The following C1QTNF3 variants were observed in gnomAD, a reference collection of about 807,000 sequenced individuals.
The protein encoded by C1QTNF3 is complement C1q tumor necrosis factor-related protein 3.
Under a neutral mutation model 32.6 loss-of-function variants are expected in C1QTNF3, and 26 were observed. The ratio of observed to expected loss-of-function variants is 0.80; its 90% CI spans 0.58 to 1.11. C1QTNF3 has a LOEUF of 1.11. Ranked by LOEUF, C1QTNF3 falls within the 50% of genes least tolerant of loss-of-function variation. The probability of loss-of-function intolerance (pLI) is 0.00; values close to 1 mark genes in which losing one functional copy is unlikely to be tolerated. For missense variants in C1QTNF3, 362 were observed against 398.2 expected, an observed-to-expected ratio of 0.91 and a Z score of 0.77; for synonymous variants, 155 against 146.0, an observed-to-expected ratio of 1.06 and a Z score of -0.44.
the C1QTNF3 span, among the ~76,000 whole-genome samples, chr5:34,075,098 T>C: frequency 6.6e-6 from 1 of 151,768 alleles, no homozygotes; most frequent in Admixed American, 6.6e-5. Flanking sequence ...CATGCAAAAA[T>C]ACAGTGGATC....
the C1QTNF3 span, among the ~76,000 whole-genome samples, chr5:34,129,584 A>C: frequency 6.6e-6 from 1 of 152,274 alleles, no homozygotes; most frequent in African/African-American, 2.4e-5. Flanking sequence ...TATAAATGTA[A>C]GTGATTATAA....
the C1QTNF3 span, among the ~76,000 whole-genome samples, chr5:34,224,581 G>A: frequency 6.6e-6 from 1 of 152,112 alleles, no homozygotes; most frequent in Non-Finnish European, 1.5e-5. Context: ...AATGGTGCTG[G>A]GAAAACTGGC....
At chr5:34,084,704 C>T in the C1QTNF3 span, among the ~76,000 whole-genome samples, 2 of 148,608 alleles carry the variant, frequency 1.3e-5, no homozygotes, top group African/African-American at 5.1e-5. Context: ...GCTTAAGTTC[C>T]TAGTAGATTC....
chr5:34,037,448 C>A lies in C1QTNF3; in HGVS notation c.304-1690G>T, dbSNP rs140181044. Among the ~76,000 whole-genome samples, 981 of 152,282 alleles carry A rather than the reference C, an allele frequency of 6.4e-3. 13 individuals carry two copies. Among genetic ancestry groups the A allele is most frequent in the African/African-American group, 0.022 (931 of 41,548 alleles). ...AACTTCACACAGTTAAACACTTAGA[C>A]CTTACTTTCTTTTCTTTAATAAAAA... On this transcript the variant is annotated intron_variant, in intron 1 of 5. Transcript: ENST00000382065.
At chr5:34,072,389 G>GAA in the C1QTNF3 span, among the ~76,000 whole-genome samples, 25 of 150,556 alleles carry the variant, frequency 1.7e-4, no homozygotes. Flanking sequence ...AAGAAAGAAA[G>GAA]AAAGAAAGAA....
At chr5:34,173,882 T>C in the C1QTNF3 span, among the ~76,000 whole-genome samples, 60 of 151,884 alleles carry the variant, frequency 4.0e-4, no homozygotes, top group Admixed American at 1.4e-3. Context: ...TTAGTAAGAA[T>C]TAATTTCTAG....
intron 1 of C1QTNF3, among the ~76,000 whole-genome samples, chr5:34,038,828 G>A (rs1754803669): frequency 6.6e-6 from 1 of 151,838 alleles, no homozygotes; most frequent in Non-Finnish European, 1.5e-5. Flanking sequence ...TAGCTACTCA[G>A]ACATGAGCAG....
At chr5:34,089,393 T>C in the C1QTNF3 span, among the ~76,000 whole-genome samples, 1 of 152,074 alleles carries the variant, frequency 6.6e-6, no homozygotes, top group Admixed American at 6.6e-5. Flanking sequence ...GTGAGGCCTT[T>C]GAGAAGTGAT....
the C1QTNF3 span, among the ~76,000 whole-genome samples, chr5:34,208,857 T>C: frequency 9.2e-5 from 14 of 152,212 alleles, no homozygotes; most frequent in African/African-American, 3.4e-4. Flanking sequence ...ATCCTTAACA[T>C]ACACAGCCTA....
At chr5:34,210,891 AT>A in the C1QTNF3 span, among the ~76,000 whole-genome samples, 2 of 151,816 alleles carry the variant, frequency 1.3e-5, no homozygotes, top group Non-Finnish European at 2.9e-5. Context: ...CATTTTTTGC[AT>A]TTTTTAATTT....
chr5:34,090,864 C>A, the C1QTNF3 span, among the ~76,000 whole-genome samples: 1 of 152,112 alleles, frequency 6.6e-6, no homozygotes, highest in African/African-American at 2.4e-5. Flanking sequence ...TTCCAGCCTC[C>A]AGAACTGTGT....
At chr5:34,100,456 T>C in the C1QTNF3 span, among the ~76,000 whole-genome samples, 1 of 151,866 alleles carries the variant, frequency 6.6e-6, no homozygotes, top group African/African-American at 2.4e-5. Flanking sequence ...ATGGGCTTAT[T>C]AACATATATT....
the C1QTNF3 span, among the ~76,000 whole-genome samples, chr5:34,131,924 AATT>A: frequency 1.3e-5 from 2 of 152,182 alleles, no homozygotes; most frequent in Non-Finnish European, 2.9e-5. Flanking sequence ...AAAATATAAT[AATT>A]AAGAAAAAAT....
chr5:34,043,300 C>G (rs1051459461), upstream of C1QTNF3: 35 of 623,884 alleles, frequency 5.6e-5, no homozygotes, highest in Non-Finnish European at 9.1e-5. Context: ...GCCCTCCTCC[C>G]CAGGCAGAAC....
the C1QTNF3 span, among the ~76,000 whole-genome samples, chr5:34,056,932 C>A: frequency 6.6e-6 from 1 of 152,092 alleles, no homozygotes; most frequent in East Asian, 1.9e-4. Flanking sequence ...CAAATAGTAA[C>A]CTACTAATGC....
chr5:34,070,077 G>A, the C1QTNF3 span, among the ~76,000 whole-genome samples: 1 of 152,160 alleles, frequency 6.6e-6, no homozygotes, highest in African/African-American at 2.4e-5. Context: ...TATCCAAAAT[G>A]TATGATCTCC....
At chr5:34,240,944 C>T in the C1QTNF3 span, among the ~76,000 whole-genome samples, 1 of 152,142 alleles carries the variant, frequency 6.6e-6, no homozygotes, top group Non-Finnish European at 1.5e-5. Context: ...GGCTTTATTC[C>T]TGGGATGCAT....
At chr5:34,045,340 G>T (rs1428408088), upstream of C1QTNF3, among the ~76,000 whole-genome samples, 1 of 152,156 alleles carries the variant, frequency 6.6e-6, no homozygotes, top group Non-Finnish European at 1.5e-5. Flanking sequence ...TTAATGCCTG[G>T]ACTCTATCCC....
chr5:34,126,097 C>A, the C1QTNF3 span, among the ~76,000 whole-genome samples: 1 of 152,146 alleles, frequency 6.6e-6, no homozygotes, highest in Non-Finnish European at 1.5e-5. Context: ...CCCTTGTCAG[C>A]GAGAAATGTT....
Sources: allele counts gnomAD v4.1 joint callset (sites outside exome capture counted in the v4.1 genomes callset), GRCh38; gene constraint gnomAD v4.1.1; transcripts MANE v1.5; gene names NCBI Gene and HGNC (gene_info 2026-07-23, HGNC 2026-07-21).